Variants in TAFA4 observed in about 807,000 individuals in gnomAD.
TAFA4 encodes chemokine-like protein TAFA-4.
A neutral mutation model predicts 21.1 loss-of-function variants in TAFA4; 20 were observed. The observed-to-expected ratio is 0.95, with a 90% CI of 0.67 to 1.38. The LOEUF (loss-of-function observed/expected upper bound fraction) is 1.38. Among genes scored for constraint, TAFA4 ranks in the 40% most tolerant of loss-of-function variants. The pLI is 0.00. For missense variants in TAFA4, 211 were observed against 180.9 expected (o/e 1.17, Z -0.95); for synonymous variants, 71 against 67.4 (o/e 1.05, Z -0.26).
intron 3 of TAFA4, among the ~76,000 whole-genome samples, chr3:68,766,014 A>G (rs1702847791): frequency 6.6e-6 from 1 of 152,210 alleles, no homozygotes; most frequent in Non-Finnish European, 1.5e-5. Context: ...ATGCTGGGAG[A>G]AAGTCTCCAA....
chr3:68,884,981 C>T (rs1166404562), intron 2 of TAFA4, among the ~76,000 whole-genome samples, 194 bp downstream of exon 2: 1 of 152,180 alleles, frequency 6.6e-6, no homozygotes, highest in Non-Finnish European at 1.5e-5. Context: ...AACCAAAGTA[C>T]TATTTTGCAA....
Position 68,785,743 on chromosome 3 carries a change from C to T in TAFA4, c.131-32725G>A, listed in dbSNP as rs538510544. Among the ~76,000 whole-genome samples the T allele has an allele frequency of 1.2e-3, 190 of 152,358 alleles. 4 individuals carry two copies. The South Asian group carries it at 0.02, about 16-fold the overall frequency. On this transcript the variant is annotated intron_variant, in intron 3 of 5. Transcript: ENST00000295569. The stretch of plus-strand genomic sequence containing the variant: ...TGCAGCGGCAGGCTGAAGGGCTCCT[C>T]AAGTGCCACCAAAGTGGGAGCCCAG...
intron 1 of TAFA4, among the ~76,000 whole-genome samples, chr3:68,896,656 C>T (rs2089792147): frequency 6.6e-6 from 1 of 152,120 alleles, no homozygotes; most frequent in African/African-American, 2.4e-5. Flanking sequence ...ACTGCTTGTT[C>T]GCAGGCTAAG....
chr3:68,796,517 T>C (rs538615567), intron 3 of TAFA4, among the ~76,000 whole-genome samples: 162 of 152,254 alleles, frequency 1.1e-3, no homozygotes, highest in African/African-American at 3.8e-3. Context: ...AAAACCTAAA[T>C]GTAAGACCTA....
intron 3 of TAFA4, among the ~76,000 whole-genome samples, chr3:68,800,837 G>A (rs952352885): frequency 6.6e-6 from 1 of 152,174 alleles, no homozygotes; most frequent in Non-Finnish European, 1.5e-5. Flanking sequence ...AACTGAGCTG[G>A]AATCTTTATT....
intron 5 of TAFA4, among the ~76,000 whole-genome samples, chr3:68,737,682 G>A (rs1197512580): frequency 5.9e-5 from 9 of 152,090 alleles, no homozygotes; most frequent in Non-Finnish European, 1.5e-5. Context: ...AAATCTTAAT[G>A]TATAAGTTCA....
chr3:68,916,996 G>C lies in TAFA4; in HGVS notation c.-123+15244C>G, dbSNP rs1233589294. Among the ~76,000 whole-genome samples, 3 of 152,168 alleles carry C rather than the reference G, an allele frequency of 2.0e-5. No individual in the cohort carries two copies. The East Asian group carries it at 5.8e-4, about 29-fold the overall frequency. On this transcript the variant is annotated intron_variant, in intron 1 of 5. Coordinates refer to ENST00000295569, the MANE Select transcript of TAFA4 (RefSeq NM_182522.5). ...CAGCTTGTGTCTTACTAGAAATCAG[G>C]GTTCCAATTACTAAGGTAGGGGGAA...
At position 68,819,274 on chromosome 3, in the gene TAFA4, TAAAAAAAA is replaced by T. The variant is rs59090610; in HGVS notation, c.130+61448_130+61455del. Among the ~76,000 whole-genome samples, 635 of 109,346 alleles carry T rather than the reference TAAAAAAAA, an allele frequency of 5.8e-3. 2 individuals are homozygous for T. Among genetic ancestry groups the T allele is most frequent in the Non-Finnish European group, 9.3e-3 (474 of 50,724 alleles). 71.7% of individuals were successfully genotyped at this position (109,346 alleles called of 152,430 possible). A position where few individuals can be genotyped will look rare whatever the true frequency, so the allele number is the denominator to read the frequency against. On this transcript the variant is annotated intron_variant, in intron 3 of 5. Transcript: ENST00000295569. ...GACAGAGTGAGACCCTGTCTTTAAT[TAAAAAAAA>T]AAAAAAAAAAAAAAAAAGCATCTGC...
intron 3 of TAFA4, among the ~76,000 whole-genome samples, chr3:68,836,082 T>C (rs1704515831): frequency 6.6e-6 from 1 of 152,248 alleles, no homozygotes; most frequent in African/African-American, 2.4e-5. Flanking sequence ...TGAAGTATTC[T>C]AAAATGAGAA....
chr3:68,924,148 G>A (rs1410388014), intron 1 of TAFA4, among the ~76,000 whole-genome samples: 3 of 152,132 alleles, frequency 2.0e-5, no homozygotes, highest in Non-Finnish European at 1.5e-5. Context: ...AAGCACTAAA[G>A]GCAGAACTAA....
intron 3 of TAFA4, among the ~76,000 whole-genome samples, chr3:68,783,705 G>GAAA (rs752071251): frequency 0.014 from 1,357 of 100,330 alleles, 33 homozygotes; most frequent in African/African-American, 0.042. Flanking sequence ...GAGAGAGAGA[G>GAAA]AGAAAGAAAA....
intron 3 of TAFA4, among the ~76,000 whole-genome samples, chr3:68,844,465 A>AG (rs1031739539): frequency 2.0e-5 from 3 of 151,820 alleles, no homozygotes; most frequent in African/African-American, 7.3e-5. Flanking sequence ...TTAAAAAAAA[A>AG]ACAGCTCCTG....
intron 2 of TAFA4, chr3:68,882,926 T>A (rs2089633882): frequency 6.6e-6 from 1 of 152,188 alleles, no homozygotes; most frequent in Non-Finnish European, 1.5e-5. Context: ...ATGTTAGCAA[T>A]GTCTGAAGCA....
intron 2 of TAFA4, among the ~76,000 whole-genome samples, chr3:68,883,672 T>A (rs1343376223): frequency 6.6e-6 from 1 of 152,206 alleles, no homozygotes; most frequent in African/African-American, 2.4e-5. Flanking sequence ...GATAATTTGA[T>A]CATGTATGTC....
chr3:68,865,390 C>G (rs542064135), intron 3 of TAFA4, among the ~76,000 whole-genome samples: 1 of 151,954 alleles, frequency 6.6e-6, no homozygotes, highest in African/African-American at 2.4e-5. Flanking sequence ...TGGGGAGGAC[C>G]TGATGGAAGG....
chr3:68,817,958 A>G (rs1228307109), intron 3 of TAFA4, among the ~76,000 whole-genome samples: 1 of 152,136 alleles, frequency 6.6e-6, no homozygotes, highest in Non-Finnish European at 1.5e-5. Context: ...CTAACAAGAG[A>G]GTCAGCCTGT....
At chr3:68,894,696 C>T (rs1241183163) in intron 1 of TAFA4, among the ~76,000 whole-genome samples, 2 of 152,066 alleles carry the variant, frequency 1.3e-5, no homozygotes, top group African/African-American at 4.8e-5. Flanking sequence ...TGTGTTTTAG[C>T]ATAATGAAAA....
At chr3:68,830,383 T>C (rs1704354990) in intron 3 of TAFA4, among the ~76,000 whole-genome samples, 1 of 152,230 alleles carries the variant, frequency 6.6e-6, no homozygotes, top group African/African-American at 2.4e-5. Context: ...TTCTGGTACA[T>C]TGTGTCTTTG....
intron 1 of TAFA4, among the ~76,000 whole-genome samples, chr3:68,905,240 C>T (rs2089888176): frequency 6.6e-6 from 1 of 150,554 alleles, no homozygotes; most frequent in Non-Finnish European, 1.5e-5. Context: ...ACTGCAACCT[C>T]CGCCTCCCGC....
Sources: allele counts gnomAD v4.1 joint callset (sites outside exome capture counted in the v4.1 genomes callset), GRCh38; gene constraint gnomAD v4.1.1; transcripts MANE v1.5; gene names NCBI Gene and HGNC (gene_info 2026-07-23, HGNC 2026-07-21).